Variants in LRFN2 observed in about 807,000 individuals in gnomAD.
LRFN2 encodes the protein leucine rich repeat and fibronectin type III domain containing 2, also known as leucine-rich repeat and fibronectin type-III domain-containing protein 2.
A neutral mutation model predicts 37.3 loss-of-function variants in LRFN2; 18 were observed. That is an observed-to-expected ratio of 0.48 (90% CI 0.33 to 0.72). LRFN2 has a LOEUF of 0.72. Ranked by LOEUF, LRFN2 falls within the 30% of genes least tolerant of loss-of-function variation. LRFN2 has a pLI of 0.02. For missense variants in LRFN2, 1,006 were observed against 1,060.7 expected, an observed-to-expected ratio of 0.95 and a Z score of 0.72; for synonymous variants, 556 against 466.6, an observed-to-expected ratio of 1.19 and a Z score of -2.47.
At chr6:40,493,196 A>G (rs1386283594) in intron 1 of LRFN2, among the ~76,000 whole-genome samples, 1 of 152,062 alleles carries the variant, frequency 6.6e-6, no homozygotes, top group Non-Finnish European at 1.5e-5. Context: ...AGGGATGGGA[A>G]GTGTGTCCCT....
intron 1 of LRFN2, chr6:40,502,471 G>A (rs1765408842): frequency 6.6e-6 from 1 of 152,198 alleles, no homozygotes; most frequent in Admixed American, 6.5e-5. Context: ...CAGGAGGAGT[G>A]CGCCCATGCA....
chr6:40,578,613 C>T (rs1272322943), intron 1 of LRFN2, among the ~76,000 whole-genome samples: 4 of 152,144 alleles, frequency 2.6e-5, no homozygotes, highest in African/African-American at 4.8e-5. Context: ...AGAGGGTCCT[C>T]AGTGGTATTT....
chr6:40,400,724 A>C (rs1168617815), intron 2 of LRFN2, among the ~76,000 whole-genome samples: 1 of 151,740 alleles, frequency 6.6e-6, no homozygotes, highest in Non-Finnish European at 1.5e-5. Context: ...CCCGGCCTGG[A>C]GAGGTGTTTT....
intron 1 of LRFN2, among the ~76,000 whole-genome samples, chr6:40,579,579 A>ACTGACTC (rs1022654245): frequency 6.6e-6 from 1 of 150,772 alleles, no homozygotes; most frequent in African/African-American, 2.5e-5. Flanking sequence ...TGTGACCTTG[A>ACTGACTC]CTGACTCCTA....
intron 1 of LRFN2, among the ~76,000 whole-genome samples, chr6:40,484,619 C>CA (rs901967981): frequency 6.6e-6 from 1 of 152,202 alleles, no homozygotes; most frequent in Non-Finnish European, 1.5e-5. Flanking sequence ...TGGAGCCACA[C>CA]ATGCTCCTCC....
intron 1 of LRFN2, among the ~76,000 whole-genome samples, chr6:40,530,435 A>G (rs574197287): frequency 2.6e-5 from 4 of 152,292 alleles, no homozygotes; most frequent in Non-Finnish European, 5.9e-5. Flanking sequence ...CAGAAAAGAC[A>G]TGGAAGAAAG....
chr6:40,528,333 C>T (rs1363762843), intron 1 of LRFN2, among the ~76,000 whole-genome samples: 1 of 152,194 alleles, frequency 6.6e-6, no homozygotes, highest in Non-Finnish European at 1.5e-5. Flanking sequence ...CTGTAGATGC[C>T]CATGGGAAGA....
rs193134751 is a variant in LRFN2 at position 40,534,865 on chromosome 6, C to T, written c.-19+52076G>A. Among the ~76,000 whole-genome samples, 754 of 152,256 alleles carry T rather than the reference C, an allele frequency of 5.0e-3. 7 individuals are homozygous for T. Among genetic ancestry groups the T allele is most frequent in the Non-Finnish European group, 7.1e-3 (482 of 68,026 alleles). On this transcript the variant is annotated intron_variant, in intron 1 of 2. Transcript: ENST00000338305. ...CACTTCCTAAATGCCAGGTGCCCCG[C>T]GCCCATCTTAGAAAATCCCTAGGCA...
At chr6:40,440,822 T>G (rs1763817081) in intron 1 of LRFN2, among the ~76,000 whole-genome samples, 1 of 152,222 alleles carries the variant, frequency 6.6e-6, no homozygotes, top group African/African-American at 2.4e-5. Flanking sequence ...TATGTGGGCC[T>G]CCTTCCTTTG....
chr6:40,441,464 G>C (rs867755344), intron 1 of LRFN2, among the ~76,000 whole-genome samples: 1 of 152,138 alleles, frequency 6.6e-6, no homozygotes, highest in South Asian at 2.1e-4. Context: ...GGTAAAGGAG[G>C]GCTGGATTTC....
At chr6:40,401,170 C>G (rs2113797024) in intron 2 of LRFN2, among the ~76,000 whole-genome samples, 1 of 97,520 alleles carries the variant, frequency 1.0e-5, no homozygotes, top group Non-Finnish European at 2.4e-5. Flanking sequence ...TCCACCTGGT[C>G]CTCAGCCTCC....
chr6:40,443,137 A>C (rs913116693), intron 1 of LRFN2, among the ~76,000 whole-genome samples: 2 of 152,188 alleles, frequency 1.3e-5, no homozygotes, highest in Non-Finnish European at 2.9e-5. Flanking sequence ...GGTTATAGAC[A>C]AAGGGATCCC....
intron 1 of LRFN2, among the ~76,000 whole-genome samples, chr6:40,585,848 C>T (rs916300519): frequency 3.4e-5 from 5 of 147,338 alleles, no homozygotes; most frequent in South Asian, 2.1e-4. Flanking sequence ...CACACACACA[C>T]GCGTACACAC....
At chr6:40,428,627 C>A (rs754686690) in intron 2 of LRFN2, among the ~76,000 whole-genome samples, 1 of 152,230 alleles carries the variant, frequency 6.6e-6, no homozygotes, top group Non-Finnish European at 1.5e-5. Context: ...GTTCAAATCA[C>A]AGCCCTGCCT....
At chr6:40,553,141 C>T (rs1766808336) in intron 1 of LRFN2, among the ~76,000 whole-genome samples, 1 of 152,192 alleles carries the variant, frequency 6.6e-6, no homozygotes, top group African/African-American at 2.4e-5. Context: ...TGTTGCTTTT[C>T]TCAGCCACTT....
At chr6:40,521,593 T>TCA (rs1766069816) in intron 1 of LRFN2, among the ~76,000 whole-genome samples, 1 of 152,170 alleles carries the variant, frequency 6.6e-6, no homozygotes, top group Non-Finnish European at 1.5e-5. Flanking sequence ...CACTCAAGAT[T>TCA]CACTAAACAG....
At chr6:40,491,364 T>C (rs562480612) in intron 1 of LRFN2, among the ~76,000 whole-genome samples, 3 of 152,336 alleles carry the variant, frequency 2.0e-5, no homozygotes, top group African/African-American at 7.2e-5. Context: ...GTCAAGGCCA[T>C]CATCTTGTGG....
intron 1 of LRFN2, among the ~76,000 whole-genome samples, chr6:40,441,156 A>G (rs947958742): frequency 6.6e-6 from 1 of 152,224 alleles, no homozygotes; most frequent in African/African-American, 2.4e-5. Flanking sequence ...AATGGAAAAC[A>G]TCTTCTACCC....
chr6:40,489,840 A>T (rs1765045518), intron 1 of LRFN2, among the ~76,000 whole-genome samples: 1 of 151,966 alleles, frequency 6.6e-6, no homozygotes. Context: ...CCATCTACTC[A>T]TTCCCTCCTG....
Sources: gnomAD v4.1 joint callset for allele counts (sites outside exome capture counted in the v4.1 genomes callset) on GRCh38, gnomAD v4.1.1 for gene constraint, MANE v1.5 for transcripts, NCBI Gene and HGNC (gene_info 2026-07-23, HGNC 2026-07-21) for gene names.